GRIN2A: variants seen among roughly 807,000 people sequenced by gnomAD.
GRIN2A encodes the protein glutamate receptor ionotropic, NMDA 2A.
In GRIN2A, 22 loss-of-function variants were observed where a neutral mutation model predicts 113.4. That is an observed-to-expected ratio of 0.19 (90% confidence interval 0.14 to 0.28). GRIN2A has a LOEUF of 0.28. GRIN2A is among the 10% of genes least tolerant of loss of function. The pLI, the probability that GRIN2A is intolerant of heterozygous loss-of-function variation, is 1.00. For synonymous variants in GRIN2A, 827 were observed against 738.4 expected, an observed-to-expected ratio of 1.12 and a Z score of -1.94; for missense variants, 1,502 against 1,887.0, an observed-to-expected ratio of 0.80 and a Z score of 3.78.
intron 2 of GRIN2A, among the ~76,000 whole-genome samples, chr16:9,948,647 G>A (rs1184662343): frequency 4.6e-5 from 7 of 152,252 alleles, no homozygotes; most frequent in African/African-American, 1.2e-4. Flanking sequence ...AGTCCCCATC[G>A]TCTTATCCAG....
At chr16:9,988,230 G>A (rs950870100) in intron 2 of GRIN2A, among the ~76,000 whole-genome samples, 37 of 152,106 alleles carry the variant, frequency 2.4e-4, no homozygotes, top group African/African-American at 8.2e-4. Context: ...TCTGGGGAGT[G>A]TGTCTCTCCT....
intron 2 of GRIN2A, among the ~76,000 whole-genome samples, chr16:10,000,113 A>C (rs1415817213): frequency 6.6e-6 from 1 of 151,950 alleles, no homozygotes; most frequent in Non-Finnish European, 1.5e-5. Flanking sequence ...TTCTTCCCTT[A>C]TAAGGACCCA....
In GRIN2A at chr16:9,763,660, A is replaced by T. The variant is rs757351084; in HGVS notation, c.3884T>A (p.Ile1295Asn). ...GTCTAGCTCCCTAGGTTTGTCGACA[A>T]TGTTATCGTAGGAATGCTGACGGCT... is the stretch of plus-strand genomic sequence containing the variant. ...RISRQHSYDN[I>N]VDKPRELDLS... The change falls in exon 13 of 13, where the codon ATT (isoleucine) becomes AAT (asparagine). Residue 1295 changes from isoleucine (I) to asparagine (N), a missense_variant. Transcript: ENST00000330684. 18 of 1,613,392 alleles carry T rather than the reference A, an allele frequency of 1.1e-5. No homozygotes were observed. Among genetic ancestry groups the T allele is most frequent in the Non-Finnish European group, 1.5e-5 (18 of 1,180,006 alleles).
chr16:9,879,460 G>T (rs2043435675), intron 4 of GRIN2A, among the ~76,000 whole-genome samples: 1 of 152,138 alleles, frequency 6.6e-6, no homozygotes, highest in South Asian at 2.1e-4. Context: ...ATCTGCCAGA[G>T]AATCAGTGCA....
At chr16:9,957,230 G>A (rs2141690874) in intron 2 of GRIN2A, among the ~76,000 whole-genome samples, 1 of 152,238 alleles carries the variant, frequency 6.6e-6, no homozygotes, top group Middle Eastern at 3.4e-3. Flanking sequence ...GGACCAGCCT[G>A]GCACTCATCT....
intron 2 of GRIN2A, among the ~76,000 whole-genome samples, chr16:9,968,709 G>C (rs1406517977): frequency 6.6e-6 from 1 of 152,132 alleles, no homozygotes; most frequent in African/African-American, 2.4e-5. Flanking sequence ...CCGGGTTCAA[G>C]AGAGTCTCCT....
chr16:10,059,549 T>C (rs2047513900), intron 2 of GRIN2A, among the ~76,000 whole-genome samples: 1 of 152,016 alleles, frequency 6.6e-6, no homozygotes, highest in Admixed American at 6.6e-5. Context: ...GGAGGTAAAA[T>C]CAAATTTGTT....
chr16:9,806,798 T>C (rs2041977579), intron 10 of GRIN2A, among the ~76,000 whole-genome samples: 1 of 151,284 alleles, frequency 6.6e-6, no homozygotes, highest in South Asian at 2.1e-4. Context: ...AAAAAGAGGA[T>C]AGAAGAAGGT....
chr16:10,147,665 G>A (rs2049473752), intron 2 of GRIN2A, among the ~76,000 whole-genome samples: 1 of 150,362 alleles, frequency 6.7e-6, no homozygotes, highest in African/African-American at 2.4e-5. Flanking sequence ...AGAAGAAGAA[G>A]AAGTGTATAC....
At chr16:10,172,565 G>T (rs995908119) in intron 2 of GRIN2A, among the ~76,000 whole-genome samples, 8 of 152,248 alleles carry the variant, frequency 5.3e-5, no homozygotes, top group Non-Finnish European at 1.0e-4. Flanking sequence ...TTTAAGAAAG[G>T]AGGGGCACCT....
chr16:10,013,167 C>T (rs1271671552), intron 2 of GRIN2A, among the ~76,000 whole-genome samples: 1 of 152,122 alleles, frequency 6.6e-6, no homozygotes, highest in Non-Finnish European at 1.5e-5. Context: ...TTTCAAAAAT[C>T]TGGATTTTAA....
intron 4 of GRIN2A, among the ~76,000 whole-genome samples, chr16:9,860,340 C>T (rs552845154): frequency 1.7e-4 from 25 of 146,626 alleles, no homozygotes; most frequent in African/African-American, 5.9e-4. Context: ...CCCAGCTACT[C>T]GGGAAGTTGA....
chr16:9,959,887 C>T (rs568755288), intron 2 of GRIN2A, among the ~76,000 whole-genome samples: 4 of 152,306 alleles, frequency 2.6e-5, no homozygotes, highest in African/African-American at 4.8e-5. Flanking sequence ...GCAACAGAAT[C>T]GCTTGAACCC....
intron 11 of GRIN2A, among the ~76,000 whole-genome samples, chr16:9,779,044 G>C (rs187801043): frequency 9.8e-5 from 15 of 152,356 alleles, no homozygotes; most frequent in African/African-American, 3.4e-4. Context: ...AGAATGAAGA[G>C]TCAGCCCGAG....
intron 5 of GRIN2A, among the ~76,000 whole-genome samples, chr16:9,847,746 T>C (rs2042801227): frequency 2.0e-5 from 3 of 149,108 alleles, no homozygotes; most frequent in Admixed American, 6.7e-5. Flanking sequence ...AAATATATAA[T>C]GTTTTATACA....
Position 9,811,256 on chromosome 16 carries a change from CACA to C in GRIN2A, c.2168+11005_2168+11007del, listed in dbSNP as rs148751240. On this transcript the variant is annotated intron_variant, in intron 10 of 12. Coordinates refer to ENST00000330684, the MANE Select transcript of GRIN2A (RefSeq NM_001134407.3). The stretch of plus-strand genomic sequence containing the variant: ...CTTCTCAGGACAAGCAGAGGGTTAG[CACA>C]ACATCATGGGTCAGAAAAGATGTTG... Among the ~76,000 whole-genome samples the C allele has an allele frequency of 7.2e-3, 1,103 of 152,260 alleles. 17 individuals carry two copies. The highest frequency in any genetic ancestry group is 0.025 in the African/African-American group (1,037 of 41,540).
At chr16:9,814,320 C>T (rs576909090) in intron 10 of GRIN2A, among the ~76,000 whole-genome samples, 11 of 152,196 alleles carry the variant, frequency 7.2e-5, no homozygotes, top group Non-Finnish European at 1.3e-4. Context: ...AGTTACTTAG[C>T]TGAATAGCCT....
intron 8 of GRIN2A, among the ~76,000 whole-genome samples, chr16:9,832,770 C>G (rs909310901): frequency 7.2e-5 from 11 of 152,128 alleles, no homozygotes; most frequent in African/African-American, 2.7e-4. Flanking sequence ...GTTAAATTAC[C>G]CTTTAAATGA....
chr16:10,094,883 C>CAAAAAAAAAAAAAAAAAAAAAAAAAAA (rs58041208), intron 2 of GRIN2A, among the ~76,000 whole-genome samples: 1 of 117,446 alleles, frequency 8.5e-6, no homozygotes. Flanking sequence ...GAATGTGCAC[C>CAAAAAAAAAAAAAAAAAAAAAAAAAAA]AAAAAAAAAA....
Sources: allele counts gnomAD v4.1 joint callset (sites outside exome capture counted in the v4.1 genomes callset), GRCh38; gene constraint gnomAD v4.1.1; transcripts MANE v1.5; gene names NCBI Gene and HGNC (gene_info 2026-07-23, HGNC 2026-07-21).